The following LRFN5 variants were observed in gnomAD, a reference collection of about 807,000 sequenced individuals.
LRFN5 encodes leucine-rich repeat and fibronectin type-III domain-containing protein 5.
Under a neutral mutation model 45.6 loss-of-function variants are expected in LRFN5, and 24 were observed. The observed-to-expected ratio is 0.53, with a 90% confidence interval of 0.38 to 0.74. The LOEUF (loss-of-function observed/expected upper bound fraction) is 0.74. Among genes scored for constraint, LRFN5 ranks in the 30% least tolerant of loss-of-function variants. LRFN5 has a pLI of 0.00. For missense variants in LRFN5, 776 were observed against 861.5 expected, an observed-to-expected ratio of 0.90 and a Z score of 1.24; for synonymous variants, 340 against 313.8, an observed-to-expected ratio of 1.08 and a Z score of -0.88.
At chr14:41,716,587 T>A (rs1187398552) in intron 1 of LRFN5, among the ~76,000 whole-genome samples, 1 of 152,106 alleles carries the variant, frequency 6.6e-6, no homozygotes, top group African/African-American at 2.4e-5. Flanking sequence ...CCCAACAAGA[T>A]CCTCATCTCC....
At chr14:41,900,423 A>G (rs1891068237) in intron 5 of LRFN5, among the ~76,000 whole-genome samples, 1 of 152,064 alleles carries the variant, frequency 6.6e-6, no homozygotes, top group Admixed American at 6.6e-5. Context: ...ACTAAGAGAT[A>G]TAGCACAAAA....
At chr14:41,868,880 G>C (rs868433280) in intron 2 of LRFN5, among the ~76,000 whole-genome samples, 1 of 152,228 alleles carries the variant, frequency 6.6e-6, no homozygotes, top group South Asian at 2.1e-4. Context: ...GAACATGCCA[G>C]TACCTTCAAA....
chr14:41,813,033 G>A lies in LRFN5; in HGVS notation c.-21+46004G>A, dbSNP rs862542. On this transcript the variant is annotated intron_variant, in intron 2 of 5. Coordinates refer to ENST00000298119, the MANE Select transcript of LRFN5 (RefSeq NM_152447.5). ...GGTTGAAAGTGATGAGAAATAGATA[G>A]GAAAGTTGTTTCCCACCCTTTGAAG... Among the ~76,000 whole-genome samples the A allele has an allele frequency of 5.8e-3, 889 of 152,186 alleles. 6 individuals carry two copies. Among genetic ancestry groups the A allele is most frequent in the African/African-American group, 0.018 (748 of 41,538 alleles).
chr14:41,889,162 A>G (rs1890694165), intron 3 of LRFN5, among the ~76,000 whole-genome samples: 1 of 150,990 alleles, frequency 6.6e-6, no homozygotes, highest in South Asian at 2.1e-4. Context: ...ATCAGATCAG[A>G]TCAGTTCCTA....
intron 1 of LRFN5, among the ~76,000 whole-genome samples, chr14:41,689,748 A>G (rs1165081530): frequency 6.7e-6 from 1 of 150,122 alleles, no homozygotes; most frequent in African/African-American, 2.4e-5. Context: ...CAAAAAAATT[A>G]GCCGGGCGTG....
At chr14:41,824,493 A>G (rs560500527) in intron 2 of LRFN5, among the ~76,000 whole-genome samples, 1 of 152,180 alleles carries the variant, frequency 6.6e-6, no homozygotes, top group African/African-American at 2.4e-5. Flanking sequence ...TGGTTGTATG[A>G]GCAGACTGAC....
At chr14:41,730,871 G>A (rs73309197) in intron 1 of LRFN5, among the ~76,000 whole-genome samples, 6,816 of 151,750 alleles carry the variant, frequency 0.045, 341 homozygotes, top group African/African-American at 0.12. Context: ...TCCTTTCTCC[G>A]ATCATTGGTA....
intron 2 of LRFN5, among the ~76,000 whole-genome samples, chr14:41,826,068 T>TG (rs759188946): frequency 6.6e-6 from 1 of 152,192 alleles, no homozygotes; most frequent in Non-Finnish European, 1.5e-5. Context: ...TCTATAACGT[T>TG]GATTATTCTT....
chr14:41,613,843 G>A (rs540864660), intron 1 of LRFN5, among the ~76,000 whole-genome samples: 9 of 152,094 alleles, frequency 5.9e-5, no homozygotes, highest in African/African-American at 2.2e-4. Flanking sequence ...ACTCCACCAT[G>A]TTCAGCTCTT....
intron 2 of LRFN5, among the ~76,000 whole-genome samples, chr14:41,794,544 T>C (rs191443316): frequency 6.6e-6 from 1 of 152,106 alleles, no homozygotes; most frequent in East Asian, 1.9e-4. Flanking sequence ...TCAACAGGAG[T>C]GTAGCCTTCA....
chr14:41,723,062 G>A (rs1883792732), intron 1 of LRFN5, among the ~76,000 whole-genome samples: 1 of 152,210 alleles, frequency 6.6e-6, no homozygotes, highest in Non-Finnish European at 1.5e-5. Flanking sequence ...ATCCAGGAGA[G>A]TGAGTGCTCC....
At chr14:41,770,239 T>A (rs552930419) in intron 2 of LRFN5, among the ~76,000 whole-genome samples, 1 of 152,270 alleles carries the variant, frequency 6.6e-6, no homozygotes, top group South Asian at 2.1e-4. Flanking sequence ...GGTGATTACA[T>A]TGTAATAAGA....
At chr14:41,808,270 G>A (rs2138984629) in intron 2 of LRFN5, among the ~76,000 whole-genome samples, 2 of 135,796 alleles carry the variant, frequency 1.5e-5, no homozygotes, top group African/African-American at 2.7e-5. Context: ...AAGGACCTAT[G>A]AGATTACTTC....
At chr14:41,676,055 T>C (rs907086715) in intron 1 of LRFN5, among the ~76,000 whole-genome samples, 52 of 152,278 alleles carry the variant, frequency 3.4e-4, no homozygotes, top group African/African-American at 1.0e-3. Flanking sequence ...CTACATCCAG[T>C]CTGGGGCTAT....
At chr14:41,753,922 T>C (rs1381770285) in intron 1 of LRFN5, among the ~76,000 whole-genome samples, 1 of 152,182 alleles carries the variant, frequency 6.6e-6, no homozygotes, top group African/African-American at 2.4e-5. Context: ...GCTCTTATTA[T>C]TTTGAGATAC....
At chr14:41,805,109 A>G (rs1256600189) in intron 2 of LRFN5, among the ~76,000 whole-genome samples, 1 of 150,970 alleles carries the variant, frequency 6.6e-6, no homozygotes, top group Non-Finnish European at 1.5e-5. Context: ...AATAAATAGC[A>G]TCTGTATTTT....
intron 1 of LRFN5, among the ~76,000 whole-genome samples, chr14:41,730,342 C>T (rs1884117565): frequency 6.6e-6 from 1 of 151,986 alleles, no homozygotes; most frequent in Non-Finnish European, 1.5e-5. Flanking sequence ...GTCTCTATTC[C>T]TTTCTAGTCT....
At position 41,821,360 on chromosome 14, in the gene LRFN5, C is replaced by G. The variant is rs921893057; in HGVS notation, c.-21+54331C>G. 2.6e-5 allele frequency among the ~76,000 whole-genome samples: 4 copies of G among 151,804 alleles called. No individual in the cohort carries two copies. The East Asian group carries it at 7.7e-4, about 29-fold the overall frequency. ...TTTTAATCAGGAAGGAGTGCTAAAT[C>G]TAACTGAATACTTTCTTTGCATCTA... On this transcript the variant is annotated intron_variant, in intron 2 of 5. Coordinates refer to ENST00000298119, the MANE Select transcript of LRFN5 (RefSeq NM_152447.5).
chr14:41,684,417 G>T (rs759742508), intron 1 of LRFN5, among the ~76,000 whole-genome samples: 1 of 152,150 alleles, frequency 6.6e-6, no homozygotes, highest in African/African-American at 2.4e-5. Flanking sequence ...GAAGTAAGGC[G>T]CCTTCTTTAT....
Sources: gnomAD v4.1 joint callset for allele counts (sites outside exome capture counted in the v4.1 genomes callset) on GRCh38, gnomAD v4.1.1 for gene constraint, MANE v1.5 for transcripts, NCBI Gene and HGNC (gene_info 2026-07-23, HGNC 2026-07-21) for gene names.